Variants in ETV6 observed in about 807,000 individuals in gnomAD.
ETV6 encodes transcription factor ETV6.
ETV6 carries 16 observed loss-of-function variants against 51.1 expected under a neutral mutation model. The observed-to-expected ratio is 0.31, with a 90% CI of 0.21 to 0.48. ETV6 has a LOEUF of 0.48. ETV6 is among the 20% of genes least tolerant of loss of function. The pLI is 0.99. For synonymous variants in ETV6, 240 were observed against 224.1 expected, an observed-to-expected ratio of 1.07 and a Z score of -0.64; for missense variants, 458 against 594.8, an observed-to-expected ratio of 0.77 and a Z score of 2.39.
intron 2 of ETV6, among the ~76,000 whole-genome samples, chr12:11,789,555 G>C (rs983417523): frequency 8.5e-5 from 13 of 152,176 alleles, no homozygotes; most frequent in Admixed American, 3.3e-4. Context: ...GGCCTTAATG[G>C]AGGACAATTT....
intron 2 of ETV6, among the ~76,000 whole-genome samples, chr12:11,759,500 C>A (rs1945052176): frequency 6.6e-6 from 1 of 152,204 alleles, no homozygotes; most frequent in Admixed American, 6.5e-5. Context: ...TTATAGCAGA[C>A]TAAGAGAACC....
At chr12:11,728,548 G>C (rs750331194) in intron 1 of ETV6, among the ~76,000 whole-genome samples, 4 of 152,158 alleles carry the variant, frequency 2.6e-5, no homozygotes, top group Non-Finnish European at 4.4e-5. Context: ...CATCCTGAAA[G>C]CATCCCTCTG....
intron 2 of ETV6, among the ~76,000 whole-genome samples, chr12:11,759,136 A>G (rs905464013): frequency 4.6e-5 from 7 of 151,606 alleles, no homozygotes; most frequent in African/African-American, 1.7e-4. Flanking sequence ...AAGCAGCTTC[A>G]ATAAATGCAG....
intron 2 of ETV6, among the ~76,000 whole-genome samples, chr12:11,774,887 C>G (rs571757549): frequency 1.3e-5 from 2 of 152,308 alleles, no homozygotes; most frequent in South Asian, 4.1e-4. Flanking sequence ...TGAGTTTATG[C>G]AGCAGAGGGA....
At chr12:11,856,940 G>A (rs743614) in intron 4 of ETV6, among the ~76,000 whole-genome samples, 39,273 of 152,116 alleles carry the variant, frequency 0.26, 5,365 homozygotes, top group African/African-American at 0.34. Context: ...ACATGTTGCT[G>A]CCAACTTGGC....
intron 1 of ETV6, among the ~76,000 whole-genome samples, chr12:11,705,180 G>C (rs574266659): frequency 6.6e-6 from 1 of 152,326 alleles, no homozygotes; most frequent in African/African-American, 2.4e-5. Context: ...ACGTAATAGT[G>C]TGCTAAGAAC....
chr12:11,716,330 CAAAAAAAAAAAAAAAAAAAAAA>C (rs3049068), intron 1 of ETV6, among the ~76,000 whole-genome samples: 604 of 58,162 alleles, frequency 0.01, 13 homozygotes, highest in African/African-American at 0.036. Flanking sequence ...GACTCCTTCT[CAAAAAAAAAAAAAAAAAAAAAA>C]AAAAAAAAGA....
chr12:11,675,431 A>G (rs1460250139), intron 1 of ETV6, among the ~76,000 whole-genome samples: 1 of 152,228 alleles, frequency 6.6e-6, no homozygotes, highest in Admixed American at 6.5e-5. Flanking sequence ...CTCAAACTTC[A>G]TGTTGTATCC....
intron 1 of ETV6, among the ~76,000 whole-genome samples, chr12:11,670,257 A>G (rs1209316103): frequency 6.6e-6 from 1 of 152,190 alleles, no homozygotes; most frequent in Non-Finnish European, 1.5e-5. Context: ...GATTACAATA[A>G]TTTCAAATTT....
chr12:11,842,405 G>GAT (rs1482726273), intron 3 of ETV6, among the ~76,000 whole-genome samples: 1 of 94,670 alleles, frequency 1.1e-5, no homozygotes, highest in Admixed American at 9.5e-5. Flanking sequence ...CCTTGACACA[G>GAT]ATACACACAC....
intron 2 of ETV6, among the ~76,000 whole-genome samples, chr12:11,782,640 G>C (rs1025764722): frequency 1.3e-5 from 2 of 152,210 alleles, no homozygotes; most frequent in Admixed American, 6.5e-5. Flanking sequence ...AATGCTTGGA[G>C]TCAGTCTGTT....
rs1219749062 is a variant in ETV6, at chr12:11,891,193, A to G, written c.*147A>G. On this transcript the variant is annotated 3_prime_UTR_variant, in exon 8 of 8. Transcript: ENST00000396373. ...GCAGGGACACTTCTCTTGCAGACCA[A>G]GAGGGACCCTGGAGCACCTTAGACA... 3 of 623,032 alleles carry G rather than the reference A, an allele frequency of 4.8e-6. No homozygotes were observed. Among genetic ancestry groups the G allele is most frequent in the Middle Eastern group, 4.5e-4 (1 of 2,220 alleles). 38.6% of individuals were successfully genotyped at this position (623,032 alleles called of 1,614,324 possible). A position where few individuals can be genotyped will look rare whatever the true frequency, so the allele number is the denominator to read the frequency against.
chr12:11,809,101 G>A (rs1363949418), intron 2 of ETV6, among the ~76,000 whole-genome samples: 1 of 152,038 alleles, frequency 6.6e-6, no homozygotes, highest in African/African-American at 2.4e-5. Flanking sequence ...AGGAGGTTAA[G>A]GCTGTGGTGA....
chr12:11,696,586 G>A (rs1235521861), intron 1 of ETV6, among the ~76,000 whole-genome samples: 1 of 152,150 alleles, frequency 6.6e-6, no homozygotes, highest in Non-Finnish European at 1.5e-5. Context: ...GAGAAGCCGA[G>A]GCAAGAGGAT....
At chr12:11,757,538 TC>T (rs149202689) in intron 2 of ETV6, among the ~76,000 whole-genome samples, 4,181 of 152,332 alleles carry the variant, frequency 0.027, 186 homozygotes, top group African/African-American at 0.094. Context: ...TGTACAGCAG[TC>T]CTTGAAGCAG....
chr12:11,859,318 T>G (rs1404067174), intron 4 of ETV6, among the ~76,000 whole-genome samples: 1 of 151,714 alleles, frequency 6.6e-6, no homozygotes, highest in Non-Finnish European at 1.5e-5. Flanking sequence ...ATTTTTTGTA[T>G]TTTTAGTAGA....
intron 2 of ETV6, among the ~76,000 whole-genome samples, chr12:11,772,759 G>A (rs770488944): frequency 1.4e-4 from 21 of 152,160 alleles, no homozygotes; most frequent in Non-Finnish European, 2.8e-4. Context: ...CTTTCCTTGT[G>A]ATTCTCTCTG....
At chr12:11,733,323 G>A (rs1591637952) in intron 1 of ETV6, among the ~76,000 whole-genome samples, 1 of 150,604 alleles carries the variant, frequency 6.6e-6, no homozygotes, top group East Asian at 1.9e-4. Context: ...CAGGAGAATG[G>A]CGTGAATCCG....
chr12:11,790,178 T>G (rs1394035978), intron 2 of ETV6, among the ~76,000 whole-genome samples: 1 of 152,142 alleles, frequency 6.6e-6, no homozygotes, highest in Non-Finnish European at 1.5e-5. Context: ...TTATAGCATC[T>G]TGTTTTTGTT....
Sources: allele counts gnomAD v4.1 joint callset (sites outside exome capture counted in the v4.1 genomes callset), GRCh38; gene constraint gnomAD v4.1.1; transcripts MANE v1.5; gene names NCBI Gene and HGNC (gene_info 2026-07-23, HGNC 2026-07-21).